DEUP1: variants seen among roughly 807,000 people sequenced by gnomAD.
DEUP1 encodes deuterosome assembly protein 1, also known as coiled-coil domain containing 67.
A neutral mutation model predicts 87.4 loss-of-function variants in DEUP1; 82 were observed. The observed-to-expected ratio is 0.94, with a 90% CI of 0.78 to 1.13. The LOEUF (loss-of-function observed/expected upper bound fraction) is 1.13, where lower values mean the gene tolerates loss of function less well. Ranked by LOEUF, DEUP1 falls within the 50% of genes most tolerant of loss-of-function variation. The pLI, the probability that DEUP1 is intolerant of heterozygous loss-of-function variation, is 0.00. For synonymous variants in DEUP1, 214 were observed against 222.7 expected (o/e 0.96, Z 0.35); for missense variants, 663 against 681.5 (o/e 0.97, Z 0.30).
rs772586379 is a variant in DEUP1 at position 93,364,267 on chromosome 11, A to G, written c.405A>G (p.Glu135=). 32 of 1,610,100 alleles carry G rather than the reference A, an allele frequency of 2.0e-5. 2 individuals carry two copies. In the South Asian group the frequency reaches 3.2e-4, roughly 16 times the overall value. The stretch of plus-strand genomic sequence containing the variant: ...ACCTTAAAGAAGAAATACCCTTTGA[A>G]CTGAGCAATTTGAACCAGAAATTAG... ...LPHLKEEIPF[E]LSNLNQKLEE... Residue 135 remains glutamate (E), a synonymous_variant, in exon 5 of 14, where the codon GAA becomes GAG. Coordinates refer to ENST00000298050, the MANE Select transcript of DEUP1 (RefSeq NM_181645.4).
intron 7 of DEUP1, among the ~76,000 whole-genome samples, chr11:93,374,261 G>T (rs1945919421): frequency 1.3e-5 from 2 of 152,106 alleles, no homozygotes; most frequent in African/African-American, 4.8e-5. Context: ...TTATTTTGCT[G>T]TGTAGAAGCT....
chr11:93,354,615 T>C (rs960853409), intron 2 of DEUP1, among the ~76,000 whole-genome samples: 4 of 152,086 alleles, frequency 2.6e-5, no homozygotes, highest in Admixed American at 1.3e-4. Context: ...CTCAGAATCA[T>C]GGGGGGAGCC....
chr11:93,376,474 T>C (rs1946047816), intron 7 of DEUP1, among the ~76,000 whole-genome samples: 1 of 152,066 alleles, frequency 6.6e-6, no homozygotes, highest in Admixed American at 6.5e-5. Context: ...ATATCTCCTG[T>C]TTCATTTCTA....
intron 7 of DEUP1, among the ~76,000 whole-genome samples, chr11:93,371,931 CTTTT>C (rs72050582): frequency 7.2e-6 from 1 of 139,616 alleles, no homozygotes. Context: ...ATATGTATTT[CTTTT>C]TTTTTTTTTT....
At chr11:93,418,988 C>T (rs1947761231) in intron 13 of DEUP1, among the ~76,000 whole-genome samples, 1 of 147,710 alleles carries the variant, frequency 6.8e-6, no homozygotes. Context: ...ACAATGAGAA[C>T]ACATGGACAC....
chr11:93,370,496 T>A (rs12291268), intron 6 of DEUP1, among the ~76,000 whole-genome samples: 37,602 of 152,166 alleles, frequency 0.25, 4,934 homozygotes, highest in South Asian at 0.38. Context: ...TTTCCCTGGC[T>A]ACTTGTAAGA....
chr11:93,383,535 A>G (rs1295831342), intron 7 of DEUP1: 3 of 625,718 alleles, frequency 4.8e-6, no homozygotes, highest in Admixed American at 4.7e-5. Context: ...GCTCTGGAAT[A>G]AAGTAGTGGT....
At chr11:93,376,593 G>T (rs1946053359) in intron 7 of DEUP1, among the ~76,000 whole-genome samples, 1 of 151,708 alleles carries the variant, frequency 6.6e-6, no homozygotes, top group Admixed American at 6.6e-5. Flanking sequence ...ATTATCTGTT[G>T]AATTTTTTTT....
chr11:93,371,228 A>G lies in DEUP1; in HGVS notation c.737A>G (p.Asp246Gly). Residue 246 changes from aspartate (D) to glycine (G), a missense_variant, in exon 7 of 14, where the codon GAT becomes GGT. Coordinates refer to ENST00000298050, the MANE Select transcript of DEUP1 (RefSeq NM_181645.4). ...GCACTAAGCAGGAATAAATTACAAG[A>G]TGAAAATCAGAAGCTCTTGCAAGAA... ...EIALSRNKLQ[D>G]ENQKLLQELK... 1 of 1,613,400 alleles carries G rather than the reference A, an allele frequency of 6.2e-7. No homozygotes were observed.
At chr11:93,407,217 A>C (rs1041322435) in intron 11 of DEUP1, among the ~76,000 whole-genome samples, 7 of 151,996 alleles carry the variant, frequency 4.6e-5, no homozygotes, top group African/African-American at 1.7e-4. Context: ...TGAAAAAAAA[A>C]CTGAATTCAA....
intron 11 of DEUP1, among the ~76,000 whole-genome samples, chr11:93,402,804 G>C (rs1212976315): frequency 7.9e-5 from 12 of 151,990 alleles, no homozygotes; most frequent in African/African-American, 2.9e-4. Flanking sequence ...ACTCATATGT[G>C]GGAGCTGAAA....
intron 5 of DEUP1, among the ~76,000 whole-genome samples, chr11:93,367,156 C>T (rs562214821): frequency 6.6e-6 from 1 of 152,212 alleles, no homozygotes; most frequent in East Asian, 1.9e-4. Flanking sequence ...CATATTTCTT[C>T]TTCGGCCTTA....
chr11:93,385,196 G>T (rs1420471826), intron 7 of DEUP1, among the ~76,000 whole-genome samples: 1 of 152,128 alleles, frequency 6.6e-6, no homozygotes, highest in Non-Finnish European at 1.5e-5. Context: ...TCCAGCCTGG[G>T]CAACAGAGTG....
chr11:93,400,734 G>A (rs1182944703), intron 11 of DEUP1, among the ~76,000 whole-genome samples: 1 of 152,044 alleles, frequency 6.6e-6, no homozygotes, highest in African/African-American at 2.4e-5. Flanking sequence ...CAGACTTCCA[G>A]TTTCAAAATG....
intron 5 of DEUP1, among the ~76,000 whole-genome samples, chr11:93,369,006 C>T (rs1038243154): frequency 9.2e-5 from 14 of 151,986 alleles, no homozygotes; most frequent in African/African-American, 3.4e-4. Context: ...CACACACACA[C>T]TCGGGATCAC....
rs1555068658 is a variant in DEUP1 at position 93,437,751 on chromosome 11, C to CCT, written c.*33_*34insTC. On this transcript the variant is annotated 3_prime_UTR_variant, in exon 14 of 14. Coordinates refer to ENST00000298050, the MANE Select transcript of DEUP1 (RefSeq NM_181645.4). Reference sequence around the variant, plus strand: ...AAACTTTTTTATTTGCTTCCCCCCCCCACCCCCGCCAAGAAAAAAAGCTCT... The same window carrying CCT: ...AAACTTTTTTATTTGCTTCCCCCCCCCTCACCCCCGCCAAGAAAAAAAGCTCT... 6 of 1,045,282 alleles carry CCT rather than the reference C, an allele frequency of 5.7e-6. No individual in the cohort carries two copies. Among genetic ancestry groups the CCT allele is most frequent in the East Asian group, 2.7e-5 (1 of 36,728 alleles). 64.8% of individuals were successfully genotyped at this position (1,045,282 alleles called of 1,614,324 possible).
At chr11:93,436,668 A>T (rs1041935136) in intron 13 of DEUP1, among the ~76,000 whole-genome samples, 20 of 152,296 alleles carry the variant, frequency 1.3e-4, no homozygotes, top group African/African-American at 4.8e-4. Context: ...CCACCTAACA[A>T]GGTTCACATG....
chr11:93,429,458 A>G (rs1466698398), intron 13 of DEUP1, among the ~76,000 whole-genome samples: 1 of 152,078 alleles, frequency 6.6e-6, no homozygotes, highest in Non-Finnish European at 1.5e-5. Flanking sequence ...GTTGCTAAAT[A>G]CTCCACTGTG....
chr11:93,416,916 C>A (rs1291029315), intron 13 of DEUP1, among the ~76,000 whole-genome samples: 1 of 152,110 alleles, frequency 6.6e-6, no homozygotes, highest in Admixed American at 6.6e-5. Flanking sequence ...CAAATGGGAC[C>A]AAAGACAAAA....
Sources: allele counts gnomAD v4.1 joint callset (sites outside exome capture counted in the v4.1 genomes callset), GRCh38; gene constraint gnomAD v4.1.1; transcripts MANE v1.5; gene names NCBI Gene and HGNC (gene_info 2026-07-23, HGNC 2026-07-21).